TGS1: variants seen among roughly 807,000 people sequenced by gnomAD.
The protein encoded by TGS1 is trimethylguanosine synthase 1.
A neutral mutation model predicts 92.2 loss-of-function variants in TGS1; 69 were observed. That is an observed-to-expected ratio of 0.75 (90% CI 0.62 to 0.91). TGS1 has a LOEUF of 0.91. Among genes scored for constraint, TGS1 ranks in the 40% least tolerant of loss-of-function variants. The probability of loss-of-function intolerance (pLI) is 0.00; values close to 1 mark genes in which losing one functional copy is unlikely to be tolerated. For synonymous variants in TGS1, 345 were observed against 338.1 expected, an observed-to-expected ratio of 1.02 and a Z score of -0.22; for missense variants, 1,062 against 1,001.2, an observed-to-expected ratio of 1.06 and a Z score of -0.82.
At position 55,795,967 on chromosome 8, in the gene TGS1, A is replaced by G; in HGVS notation, c.1368-11A>G. The G allele has an allele frequency of 3.1e-6, 5 of 1,594,412 alleles. No individual in the cohort carries two copies. Among genetic ancestry groups the G allele is most frequent in the Non-Finnish European group, 4.3e-6 (5 of 1,172,546 alleles). ...TTTAAGTTGTGAATAACTTCTTTTG[A>G]TCTGTCACAGATATGGTGGAATCCC... On this transcript the variant is annotated splice_polypyrimidine_tract_variant and intron_variant, in intron 6 of 12. Coordinates refer to ENST00000260129, the MANE Select transcript of TGS1 (RefSeq NM_024831.8).
chr8:55,821,616 G>A (rs1315059131), intron 12 of TGS1, among the ~76,000 whole-genome samples: 1 of 152,160 alleles, frequency 6.6e-6, no homozygotes, highest in Non-Finnish European at 1.5e-5. Flanking sequence ...GTTCACGCCT[G>A]TAATCCCAGC....
In TGS1 at chr8:55,784,096, C is replaced by A. The variant is rs28729847; in HGVS notation, c.166+1284C>A. 7.2e-3 allele frequency among the ~76,000 whole-genome samples: 1,092 copies of A among 152,260 alleles called. 12 individuals are homozygous for A. Among genetic ancestry groups the A allele is most frequent in the African/African-American group, 0.025 (1,054 of 41,552 alleles). ...CTTCATTTTGGCTATATAAGATTTA[C>A]TGTTCTGTTGCCTGAGACCATCAAG... is the stretch of plus-strand genomic sequence containing the variant. On this transcript the variant is annotated intron_variant, in intron 2 of 12. Transcript: ENST00000260129.
chr8:55,803,551 A>G (rs1184076561), intron 9 of TGS1, among the ~76,000 whole-genome samples: 1 of 152,168 alleles, frequency 6.6e-6, no homozygotes, highest in African/African-American at 2.4e-5. Flanking sequence ...AAACACTTGC[A>G]ATTCTATAAA....
At chr8:55,780,170 T>TTC (rs1811523518) in intron 1 of TGS1, among the ~76,000 whole-genome samples, 1 of 146,652 alleles carries the variant, frequency 6.8e-6, no homozygotes, top group Non-Finnish European at 1.5e-5. Flanking sequence ...CTTTTTTTTT[T>TTC]TTTTTCTTTT....
chr8:55,787,902 AGG>A (rs1342914036), intron 4 of TGS1, among the ~76,000 whole-genome samples: 1 of 150,092 alleles, frequency 6.7e-6, no homozygotes, highest in African/African-American at 2.5e-5. Context: ...AGCAAGAGAG[AGG>A]GGGGAGGTCC....
At chr8:55,819,288 A>ATTTTTTTTTTTTTTTTTTTTTTTTT (rs201975270) in intron 12 of TGS1, among the ~76,000 whole-genome samples, 1 of 74,974 alleles carries the variant, frequency 1.3e-5, no homozygotes. Context: ...TGCCTGGGAG[A>ATTTTTTTTTTTTTTTTTTTTTTTTT]TTTTTTTTTT....
intron 12 of TGS1, 53 bp from the exon 13 acceptor site, chr8:55,824,527 CT>C (rs777063616): frequency 1.1e-4 from 179 of 1,606,134 alleles, no homozygotes; most frequent in Non-Finnish European, 1.4e-4. Flanking sequence ...AAGTGAAAGA[CT>C]TTTGAAATTA....
rs1354356799 is a variant in TGS1, at chr8:55,786,806, A to G, written c.908A>G (p.Asp303Gly). ...VSFPSSPIMV[D>G]NDSSGTSDKD... ...TTTCCATCTTCACCTATTATGGTTG[A>G]TAATGATAGCTCTGGTACAAGTGAT... The change falls in exon 4 of 13, where the codon GAT becomes GGT. Residue 303 changes from aspartate to glycine, a missense_variant. Asp to Gly is a moderately conservative substitution (Grantham distance 94). Transcript: ENST00000260129. The G allele has an allele frequency of 1.9e-6, 3 of 1,614,080 alleles. No individual in the cohort carries two copies. The African/African-American group carries it at 4.0e-5, about 22-fold the overall frequency.
rs1811274961 is a variant in TGS1, at chr8:55,773,510, T to G, written c.-109T>G. 2 of 760,662 alleles carry G rather than the reference T, an allele frequency of 2.6e-6. No homozygotes were observed. Among genetic ancestry groups the G allele is most frequent in the Non-Finnish European group, 4.1e-6 (2 of 487,488 alleles). The allele number at this position is 760,662 out of a possible 1,614,324, so 47.1% of individuals were successfully genotyped here. On this transcript the variant is annotated 5_prime_UTR_variant, in exon 1 of 13. Coordinates refer to ENST00000260129, the MANE Select transcript of TGS1 (RefSeq NM_024831.8). ...CGGCCGCGGGCCAGTTTCTATCTCC[T>G]CATCCAGGGCTTGCGGGCGAGGCCT...
At chr8:55,800,331 T>G (rs1812185941) in intron 8 of TGS1, among the ~76,000 whole-genome samples, 1 of 152,220 alleles carries the variant, frequency 6.6e-6, no homozygotes, top group Admixed American at 6.5e-5. Flanking sequence ...TTATTCTCAT[T>G]TAATCTGTAA....
chr8:55,777,492 CTT>C (rs1811434577), intron 1 of TGS1, among the ~76,000 whole-genome samples: 1 of 152,042 alleles, frequency 6.6e-6, no homozygotes, highest in Admixed American at 6.6e-5. Flanking sequence ...CTTCAGCTGT[CTT>C]TGCTATATTT....
chr8:55,803,609 G>A (rs1585779589), intron 9 of TGS1, among the ~76,000 whole-genome samples: 1 of 151,484 alleles, frequency 6.6e-6, no homozygotes, highest in Non-Finnish European at 1.5e-5. Flanking sequence ...TTAAAGTTTT[G>A]GTAAGGGGAG....
rs569412580 is a variant in TGS1 at position 55,787,010 on chromosome 8, A to G, written c.1112A>G (p.Asn371Ser). ...AGTGAACCACGTAATGGAGGAACCAATGAGGAAAGCAACTCATCGGGGAAT... is the reference window on the plus strand; with the variant it reads ...AGTGAACCACGTAATGGAGGAACCAGTGAGGAAAGCAACTCATCGGGGAAT... ...GQSEPRNGGT[N>S]EESNSSGNTN... Residue 371 changes from asparagine to serine, a missense_variant, in exon 4 of 13, where the codon AAT becomes AGT. Coordinates refer to ENST00000260129, the MANE Select transcript of TGS1 (RefSeq NM_024831.8). The G allele has an allele frequency of 3.7e-6, 6 of 1,613,954 alleles. No homozygotes were observed. Among genetic ancestry groups the G allele is most frequent in the South Asian group, 2.2e-5 (2 of 91,048 alleles).
intron 12 of TGS1, among the ~76,000 whole-genome samples, chr8:55,817,200 A>G (rs2130248662): frequency 6.6e-6 from 1 of 152,262 alleles, no homozygotes; most frequent in Middle Eastern, 3.4e-3. Flanking sequence ...TTGAGGCTCC[A>G]ATTGTCTTTT....
chr8:55,782,130 T>A (rs1022863956), intron 1 of TGS1, among the ~76,000 whole-genome samples: 1 of 151,604 alleles, frequency 6.6e-6, no homozygotes. Context: ...ATATCAGATG[T>A]CCAGAAGAAC....
chr8:55,799,650 T>TTGTG (rs1812165753), intron 8 of TGS1, among the ~76,000 whole-genome samples: 1 of 152,190 alleles, frequency 6.6e-6, no homozygotes, highest in South Asian at 2.1e-4. Context: ...CAATCACAGC[T>TTGTG]CACTACATCC....
At chr8:55,777,411 C>T (rs1811432524) in intron 1 of TGS1, among the ~76,000 whole-genome samples, 1 of 152,074 alleles carries the variant, frequency 6.6e-6, no homozygotes, top group Non-Finnish European at 1.5e-5. Flanking sequence ...ACAATCCCCC[C>T]ATGCTGGATG....
intron 1 of TGS1, among the ~76,000 whole-genome samples, chr8:55,778,210 G>A (rs926120801): frequency 6.6e-6 from 1 of 152,088 alleles, no homozygotes; most frequent in Admixed American, 6.6e-5. Context: ...AGCCATGATC[G>A]TACCACTGCA....
intron 1 of TGS1, among the ~76,000 whole-genome samples, chr8:55,781,567 C>G (rs147363558): frequency 6.6e-6 from 1 of 152,112 alleles, no homozygotes; most frequent in Admixed American, 6.5e-5. Flanking sequence ...TAGGTGCTGG[C>G]GGGCAGACCA....
Sources: gnomAD v4.1 joint callset for allele counts (sites outside exome capture counted in the v4.1 genomes callset) on GRCh38, gnomAD v4.1.1 for gene constraint, MANE v1.5 for transcripts, NCBI Gene and HGNC (gene_info 2026-07-23, HGNC 2026-07-21) for gene names.